Variants in SLC9A9 observed in about 807,000 individuals in gnomAD.
SLC9A9 encodes the protein sodium/hydrogen exchanger 9.
SLC9A9 carries 62 observed loss-of-function variants against 77.8 expected under a neutral mutation model. The ratio of observed to expected loss-of-function variants is 0.80; its 90% CI spans 0.65 to 0.98. The LOEUF (loss-of-function observed/expected upper bound fraction) is 0.98. SLC9A9 is among the 50% of genes least tolerant of loss of function. The pLI, the probability that SLC9A9 is intolerant of heterozygous loss-of-function variation, is 0.00. For missense variants in SLC9A9, 775 were observed against 774.9 expected (o/e 1.00, Z 0.00); for synonymous variants, 320 against 283.5 (o/e 1.13, Z -1.29).
At chr3:143,693,094 A>T in intron 5 of SLC9A9, 98 bp downstream of exon 5, 1 of 883,926 alleles carries the variant, frequency 1.1e-6, no homozygotes, top group Non-Finnish European at 1.8e-6. Flanking sequence ...AAAAATAGAA[A>T]TTATTATTAT....
At chr3:143,335,324 A>C (rs566631043) in intron 14 of SLC9A9, among the ~76,000 whole-genome samples, 8 of 152,194 alleles carry the variant, frequency 5.3e-5, no homozygotes, top group Non-Finnish European at 1.0e-4. Context: ...AGAAGACTTA[A>C]TATTGTTAAA....
intron 12 of SLC9A9, among the ~76,000 whole-genome samples, chr3:143,439,795 G>A (rs1370890072): frequency 1.6e-5 from 2 of 128,570 alleles, no homozygotes; most frequent in African/African-American, 2.5e-5. Context: ...GCCTCTTAAG[G>A]GCTCTGGCAG....
intron 4 of SLC9A9, among the ~76,000 whole-genome samples, chr3:143,742,307 C>T (rs1935092768): frequency 6.6e-6 from 1 of 152,156 alleles, no homozygotes; most frequent in Admixed American, 6.5e-5. Flanking sequence ...CTCTGTTCCT[C>T]CAATGCTCAG....
At chr3:143,461,762 C>T (rs577890496) in intron 12 of SLC9A9, among the ~76,000 whole-genome samples, 31 of 152,174 alleles carry the variant, frequency 2.0e-4, no homozygotes, top group African/African-American at 6.7e-4. Flanking sequence ...ACTTTGAATG[C>T]TAGAAAGAAA....
At chr3:143,618,617 C>G (rs922235761) in intron 6 of SLC9A9, among the ~76,000 whole-genome samples, 15 of 152,176 alleles carry the variant, frequency 9.9e-5, no homozygotes, top group East Asian at 7.7e-4. Context: ...GCCTTAGGAC[C>G]AACCTGGCAC....
At chr3:143,724,018 C>T (rs4330252) in intron 4 of SLC9A9, among the ~76,000 whole-genome samples, 140,094 of 152,328 alleles carry the variant, frequency 0.92, 64,601 homozygotes, top group East Asian at 1. Flanking sequence ...ATTTAGTTGG[C>T]TTCTGGAGAT....
chr3:143,310,528 C>CA (rs397754793), intron 14 of SLC9A9, among the ~76,000 whole-genome samples: 36,572 of 115,040 alleles, frequency 0.32, 4,807 homozygotes, highest in African/African-American at 0.38. Context: ...AGTCTTCTAT[C>CA]AAAAAAAAAA....
intron 15 of SLC9A9, among the ~76,000 whole-genome samples, chr3:143,268,282 CAAAACCTCA>C (rs955955460): frequency 6.6e-6 from 1 of 152,200 alleles, no homozygotes; most frequent in Non-Finnish European, 1.5e-5. Context: ...TTCAAAACCT[CAAAACCTCA>C]AAACACAGCA....
At chr3:143,284,849 A>T (rs1004215895) in intron 14 of SLC9A9, among the ~76,000 whole-genome samples, 1 of 152,196 alleles carries the variant, frequency 6.6e-6, no homozygotes, top group Non-Finnish European at 1.5e-5. Context: ...CCCACAATGA[A>T]GTCGTCGTTT....
chr3:143,724,873 G>T (rs1238734912), intron 4 of SLC9A9, among the ~76,000 whole-genome samples: 2 of 152,036 alleles, frequency 1.3e-5, no homozygotes, highest in Non-Finnish European at 2.9e-5. Context: ...AACATCAAAG[G>T]TAGGATGCCA....
chr3:143,295,028 A>G (rs1319463630), intron 14 of SLC9A9, among the ~76,000 whole-genome samples: 1 of 152,214 alleles, frequency 6.6e-6, no homozygotes, highest in Admixed American at 6.5e-5. Flanking sequence ...GAAAAAGCTG[A>G]TGTTACCTCT....
intron 4 of SLC9A9, among the ~76,000 whole-genome samples, chr3:143,794,014 GA>G (rs538496467): frequency 9.7e-4 from 148 of 152,274 alleles, no homozygotes; most frequent in African/African-American, 3.4e-3. Context: ...AAACCATTCT[GA>G]ATATTTTTAT....
At chr3:143,281,516 G>C (rs78295555) in intron 14 of SLC9A9, among the ~76,000 whole-genome samples, 4,525 of 152,274 alleles carry the variant, frequency 0.03, 88 homozygotes, top group South Asian at 0.063. Context: ...AGAAGACGGA[G>C]AGCACATACT....
intron 5 of SLC9A9, among the ~76,000 whole-genome samples, chr3:143,688,805 A>G (rs955911194): frequency 9.9e-5 from 15 of 152,166 alleles, no homozygotes; most frequent in Admixed American, 2.6e-4. Flanking sequence ...AAAATAAAAC[A>G]TGACAAACCA....
intron 14 of SLC9A9, among the ~76,000 whole-genome samples, chr3:143,326,950 A>G (rs1450698679): frequency 6.6e-6 from 1 of 152,190 alleles, no homozygotes; most frequent in Non-Finnish European, 1.5e-5. Context: ...CCTTGTGCAT[A>G]TATCTTTTCC....
intron 14 of SLC9A9, among the ~76,000 whole-genome samples, chr3:143,309,977 C>T (rs1578283121): frequency 1.3e-5 from 2 of 152,326 alleles, no homozygotes; most frequent in African/African-American, 2.4e-5. Context: ...GGATCTGGCT[C>T]ACTTTTTAAG....
intron 12 of SLC9A9, among the ~76,000 whole-genome samples, chr3:143,441,606 T>C (rs2034735516): frequency 7.3e-6 from 1 of 137,772 alleles, no homozygotes; most frequent in African/African-American, 2.5e-5. Flanking sequence ...TCAGCCAGTA[T>C]CTGCACTTTT....
intron 6 of SLC9A9, among the ~76,000 whole-genome samples, chr3:143,647,690 C>T (rs1351399763): frequency 6.6e-6 from 1 of 152,200 alleles, no homozygotes; most frequent in Non-Finnish European, 1.5e-5. Context: ...CACATAGCAT[C>T]TGTTCGTTTC....
At chr3:143,679,681 C>T (rs1242630754) in intron 5 of SLC9A9, among the ~76,000 whole-genome samples, 7 of 152,024 alleles carry the variant, frequency 4.6e-5, no homozygotes, top group South Asian at 2.1e-4. Flanking sequence ...GTTTTGAGGC[C>T]CTTCTCCAAT....
Sources: gnomAD v4.1 joint callset for allele counts (sites outside exome capture counted in the v4.1 genomes callset) on GRCh38, gnomAD v4.1.1 for gene constraint, MANE v1.5 for transcripts, NCBI Gene and HGNC (gene_info 2026-07-23, HGNC 2026-07-21) for gene names.